The following CA12 variants were observed in gnomAD, a reference collection of about 807,000 sequenced individuals.
CA12 encodes the protein carbonate dehydratase XII.
CA12 carries 36 observed loss-of-function variants against 46.8 expected under a neutral mutation model. The ratio of observed to expected loss-of-function variants is 0.77; its 90% CI spans 0.59 to 1.02. The LOEUF (loss-of-function observed/expected upper bound fraction) is 1.02. Ranked by LOEUF, CA12 falls within the 50% of genes least tolerant of loss-of-function variation. CA12 has a pLI of 0.00. For synonymous variants in CA12, 202 were observed against 187.0 expected (o/e 1.08, Z -0.65); for missense variants, 436 against 451.4 (o/e 0.97, Z 0.31).
chr15:63,367,209 C>T (rs553875375), intron 2 of CA12, among the ~76,000 whole-genome samples: 52 of 152,346 alleles, frequency 3.4e-4, no homozygotes, highest in African/African-American at 1.1e-3. Context: ...CTGTGAGCCA[C>T]CGCACCCAGC....
intron 3 of CA12, among the ~76,000 whole-genome samples, chr15:63,346,061 G>T (rs772368424): frequency 1.3e-5 from 2 of 152,088 alleles, no homozygotes; most frequent in Non-Finnish European, 2.9e-5. Context: ...CAGTCTTCAC[G>T]GTATCCATCA....
rs2039071487 is a variant in CA12, at chr15:63,341,002, T to C, written c.526-219A>G. Among the ~76,000 whole-genome samples, 1 of 152,056 alleles carries C rather than the reference T, an allele frequency of 6.6e-6. No homozygotes were observed. The highest frequency in any genetic ancestry group is 2.4e-5 in the African/African-American group (1 of 41,396). On this transcript the variant is annotated intron_variant, in intron 5 of 10. Transcript: ENST00000178638. This position sits in a 1 kb window ranked among gnomAD's most constrained non-coding sequence, Gnocchi z 5.2. ...GACGTCCTGTTTTCAGCTTAAGGAG[T>C]TGGGCTTGAATGTCCTGGGGCATAG...
In CA12 at chr15:63,348,271, C is replaced by T. The variant is rs112798222; in HGVS notation, c.107-1562G>A. Among the ~76,000 whole-genome samples the T allele has an allele frequency of 7.9e-3, 1,201 of 152,282 alleles. 8 individuals are homozygous for T. The highest frequency in any genetic ancestry group is 0.026 in the African/African-American group (1,077 of 41,548). On this transcript the variant is annotated intron_variant, in intron 2 of 10. Transcript: ENST00000178638. The surrounding 1 kb of genome is among the most constrained non-coding windows in gnomAD (Gnocchi z 4.6). ...TCTCACTTGGGCATGGCAGAGTCTC[C>T]GCTGAGCTCTACTATTCTTATTTTC...
rs2038879925 is a variant in CA12, at chr15:63,327,274, C to T, written c.908-41G>A. The T allele has an allele frequency of 2.0e-6, 3 of 1,535,916 alleles. No homozygotes were observed. Among genetic ancestry groups the T allele is most frequent in the African/African-American group, 1.4e-5 (1 of 73,464 alleles). On this transcript the variant is annotated intron_variant, in intron 9 of 10. Transcript: ENST00000178638. The surrounding 1 kb of genome is among the most constrained non-coding windows in gnomAD (Gnocchi z 4.5). ...AGGGCACACATTACATTCCTTCCTT[C>T]CCCTCCATCTTAGCCCATGGCCCCC...
rs1337550910 is a variant in CA12 at position 63,339,916 on chromosome 15, C to A, written c.747+372G>T. 1 of 335,398 alleles carries A rather than the reference C, an allele frequency of 3.0e-6. No individual in the cohort carries two copies. The highest frequency in any genetic ancestry group is 4.4e-5 in the Admixed American group (1 of 22,662). 20.8% of individuals were successfully genotyped at this position (335,398 alleles called of 1,614,324 possible). ...TTGGGGGCAGGGACCCTCACTTAGT[C>A]ATTGCTGCAATCCCATCTCTTAAAT... On this transcript the variant is annotated intron_variant, in intron 7 of 10. Transcript: ENST00000178638. This position sits in a 1 kb window ranked among gnomAD's most constrained non-coding sequence, Gnocchi z 4.3.
At position 63,346,670 on chromosome 15, in the gene CA12, G is replaced by A. The variant is rs774208685; in HGVS notation, c.146C>T (p.Ser49Leu). Reference sequence around the variant, plus strand: ...GGGGGACTGCAGCAGGCCCCCACACGACGGGTACTTCTTGGACCAGCTATT... The same window carrying A: ...GGGGGACTGCAGCAGGCCCCCACACAACGGGTACTTCTTGGACCAGCTATT... ...GENSWSKKYP[S>L]CGGLLQSPID... Residue 49 changes from serine to leucine, a missense_variant, in exon 3 of 11, where the codon TCG (serine) becomes TTG (leucine). Physicochemically the swap from Ser to Leu is moderately radical, Grantham distance 145. Coordinates refer to ENST00000178638, the MANE Select transcript of CA12 (RefSeq NM_001218.5). 2.7e-5 allele frequency: 44 copies of A among 1,614,042 alleles called. No individual in the cohort carries two copies. The highest frequency in any genetic ancestry group is 2.0e-4 in the South Asian group (18 of 91,086).
rs1324219573 is a variant in CA12, at chr15:63,330,685, G to A, written c.875-2555C>T. On this transcript the variant is annotated intron_variant, in intron 8 of 10. Coordinates refer to ENST00000178638, the MANE Select transcript of CA12 (RefSeq NM_001218.5). The surrounding 1 kb of genome is among the most constrained non-coding windows in gnomAD (Gnocchi z 4.0). Reference sequence around the variant, plus strand: ...CTATGGAGAGCAAGGCCCCAGCAAGGGTGGGGCTTTTCTCAGGGCACATGC... The same window carrying A: ...CTATGGAGAGCAAGGCCCCAGCAAGAGTGGGGCTTTTCTCAGGGCACATGC... Among the ~76,000 whole-genome samples the A allele has an allele frequency of 7.4e-6, 1 of 135,916 alleles. No individual in the cohort carries two copies. The highest frequency in any genetic ancestry group is 2.5e-5 in the African/African-American group (1 of 40,244). 89.2% of individuals were successfully genotyped at this position (135,916 alleles called of 152,430 possible).
Position 63,338,928 on chromosome 15 carries a change from T to C in CA12, c.765A>G (p.Thr255=), listed in dbSNP as rs1310072678. The change falls in exon 8 of 11, where the codon ACA becomes ACG. Residue 255 remains threonine (T), a synonymous_variant. Coordinates refer to ENST00000178638, the MANE Select transcript of CA12 (RefSeq NM_001218.5). Reference sequence around the variant, plus strand: ...CGTCCATGTGTGTGCAGTACAGGGCTGTCTCCAAAGCCAGCAGCTGAGGGC... The same window carrying C: ...CGTCCATGTGTGTGCAGTACAGGGCCGTCTCCAAAGCCAGCAGCTGAGGGC... The part of the protein sequence containing the change: ...ISQEQLLALE[T]ALYCTHMDDP... The C allele has an allele frequency of 1.9e-6, 3 of 1,614,074 alleles. No individual in the cohort carries two copies. Among genetic ancestry groups the C allele is most frequent in the Non-Finnish European group, 2.5e-6 (3 of 1,180,046 alleles).
intron 2 of CA12, among the ~76,000 whole-genome samples, chr15:63,362,247 TG>T (rs1335462299): frequency 6.6e-6 from 1 of 152,240 alleles, no homozygotes; most frequent in East Asian, 1.9e-4. Flanking sequence ...GCTTAACATG[TG>T]TTAATTACTG....
At chr15:63,356,221 C>T (rs1166635380) in intron 2 of CA12, among the ~76,000 whole-genome samples, 1 of 151,962 alleles carries the variant, frequency 6.6e-6, no homozygotes, top group Non-Finnish European at 1.5e-5. Flanking sequence ...GGTGAAACCC[C>T]GTCTGTACTA....
chr15:63,335,532 T>C (rs2038991247), intron 8 of CA12, among the ~76,000 whole-genome samples: 1 of 151,576 alleles, frequency 6.6e-6, no homozygotes, highest in South Asian at 2.1e-4. Context: ...GGTGTGATCA[T>C]GGCTCACTGC....
chr15:63,375,795 G>T (rs2039562895), intron 1 of CA12, 117 bp from the exon 2 acceptor site: 13 of 694,518 alleles, frequency 1.9e-5, no homozygotes, highest in Admixed American at 1.1e-4. Flanking sequence ...CCCAGAAATT[G>T]AAACTTTTTC....
rs1395044959 is a variant in CA12, at chr15:63,348,814, AG to A, written c.107-2106del. On this transcript the variant is annotated intron_variant, in intron 2 of 10. Transcript: ENST00000178638. The surrounding 1 kb of genome is among the most constrained non-coding windows in gnomAD (Gnocchi z 4.6). Reference sequence around the variant, plus strand: ...GTCTCTGTGAACCCATATTATAAGTAGGGTCACGTGCCCCCATGGGCATTTA... The same window carrying A: ...GTCTCTGTGAACCCATATTATAAGTAGGTCACGTGCCCCCATGGGCATTTA... Among the ~76,000 whole-genome samples, 1 of 152,226 alleles carries A rather than the reference AG, an allele frequency of 6.6e-6. No homozygotes were observed. The highest frequency in any genetic ancestry group is 1.5e-5 in the Non-Finnish European group (1 of 68,038).
At position 63,345,623 on chromosome 15, in the gene CA12, C is replaced by A. The variant is rs756422213; in HGVS notation, c.287-4G>T. ...TCCGAGGGCAGGTTCAGCTTCACTG[C>A]GGGGAGTGGAGGAGCAGCCTTCAGA... On this transcript the variant is annotated splice_region_variant and splice_polypyrimidine_tract_variant and intron_variant, in intron 3 of 10. Transcript: ENST00000178638. This position sits in a 1 kb window ranked among gnomAD's most constrained non-coding sequence, Gnocchi z 4.3. 36 of 1,611,128 alleles carry A rather than the reference C, an allele frequency of 2.2e-5. No individual in the cohort carries two copies. The highest frequency in any genetic ancestry group is 3.1e-5 in the Non-Finnish European group (36 of 1,179,858).
intron 2 of CA12, among the ~76,000 whole-genome samples, chr15:63,352,681 C>CAAA (rs2039248303): frequency 6.6e-6 from 1 of 152,118 alleles, no homozygotes; most frequent in South Asian, 2.1e-4. Flanking sequence ...AAACTTGCCC[C>CAAA]AAAGGATACC....
rs1464032752 is a variant in CA12 at position 63,329,446 on chromosome 15, C to T, written c.875-1316G>A. On this transcript the variant is annotated intron_variant, in intron 8 of 10. Coordinates refer to ENST00000178638, the MANE Select transcript of CA12 (RefSeq NM_001218.5). This position sits in a 1 kb window ranked among gnomAD's most constrained non-coding sequence, Gnocchi z 4.8. Reference sequence around the variant, plus strand: ...CAGTCATGAAGTCTCCCCTGAAAACCCTCAGCCTGTTTTTTCCAAGGTTCC... The same window carrying T: ...CAGTCATGAAGTCTCCCCTGAAAACTCTCAGCCTGTTTTTTCCAAGGTTCC... 6.6e-6 allele frequency among the ~76,000 whole-genome samples: 1 copy of T among 152,132 alleles called. No individual in the cohort carries two copies. The highest frequency in any genetic ancestry group is 2.4e-5 in the African/African-American group (1 of 41,430).
Position 63,348,434 on chromosome 15 carries a change from G to T in CA12, c.107-1725C>A, listed in dbSNP as rs964281237. Among the ~76,000 whole-genome samples the T allele has an allele frequency of 6.6e-6, 1 of 152,180 alleles. No individual in the cohort carries two copies. Among genetic ancestry groups the T allele is most frequent in the African/African-American group, 2.4e-5 (1 of 41,434 alleles). ...GGGGGCCAAACCGAATGCTTTAGGG[G>T]CAGCGGGGAGCAGAATGAAGCAACC... On this transcript the variant is annotated intron_variant, in intron 2 of 10. Transcript: ENST00000178638. The surrounding 1 kb of genome is among the most constrained non-coding windows in gnomAD (Gnocchi z 4.6).
rs139249118 is a variant in CA12 at position 63,340,426 on chromosome 15, C to T, written c.609G>A (p.Pro203=). The change falls in exon 7 of 11, where the codon CCG becomes CCA. Residue 203 remains proline, a synonymous_variant. Coordinates refer to ENST00000178638, the MANE Select transcript of CA12 (RefSeq NM_001218.5). The surrounding 1 kb of genome is among the most constrained non-coding windows in gnomAD (Gnocchi z 4.4). The part of the protein sequence containing the change: ...VKYKGQEAFV[P]GFNIEELLPE... ...GAAGCAGCTCTTCAATGTTGAATCC[C>T]GGGACGAATGCTTCCTGGCCTAGAG... 99 of 1,613,984 alleles carry T rather than the reference C, an allele frequency of 6.1e-5. No individual in the cohort carries two copies. Among genetic ancestry groups the T allele is most frequent in the Non-Finnish European group, 7.2e-5 (85 of 1,180,018 alleles).
rs2038886668 is a variant in CA12, at chr15:63,327,729, T to G, written c.907+369A>C. Among the ~76,000 whole-genome samples the G allele has an allele frequency of 6.6e-6, 1 of 152,142 alleles. No individual in the cohort carries two copies. Among genetic ancestry groups the G allele is most frequent in the Non-Finnish European group, 1.5e-5 (1 of 68,018 alleles). ...CATCAGTTTTGCCCCCAAGTTCCATTGCACAGTCCTAAGCAGTCCCAGATG... is the reference window on the plus strand; with the variant it reads ...CATCAGTTTTGCCCCCAAGTTCCATGGCACAGTCCTAAGCAGTCCCAGATG... On this transcript the variant is annotated intron_variant, in intron 9 of 10. Coordinates refer to ENST00000178638, the MANE Select transcript of CA12 (RefSeq NM_001218.5). This position sits in a 1 kb window ranked among gnomAD's most constrained non-coding sequence, Gnocchi z 4.5.
Sources: allele counts gnomAD v4.1 joint callset (sites outside exome capture counted in the v4.1 genomes callset), GRCh38; gene constraint gnomAD v4.1.1; non-coding constraint Gnocchi (gnomAD v3.1); transcripts MANE v1.5; gene names NCBI Gene and HGNC (gene_info 2026-07-23, HGNC 2026-07-21).